Variants in XKR4 observed in about 807,000 individuals in gnomAD.
XKR4 encodes XK related 4, also known as XK-related protein 4.
In XKR4, 12 loss-of-function variants were observed where a neutral mutation model predicts 53.9. That is an observed-to-expected ratio of 0.22 (90% CI 0.14 to 0.36). XKR4 has a LOEUF of 0.36. Ranked by LOEUF, XKR4 falls within the 10% of genes least tolerant of loss-of-function variation. XKR4 has a pLI of 1.00. For synonymous variants in XKR4, 354 were observed against 362.4 expected (o/e 0.98, Z 0.26); for missense variants, 799 against 859.5 (o/e 0.93, Z 0.88).
chr8:55,449,382 C>T (rs1563352905), intron 2 of XKR4: 2 of 612,932 alleles, frequency 3.3e-6, no homozygotes, highest in South Asian at 1.9e-5. Context: ...CACACAAGTG[C>T]TGGGGGCTCG....
rs1383520275 is a variant in XKR4 at position 55,127,288 on chromosome 8, T to C, written c.806+23994T>C. On this transcript the variant is annotated intron_variant, in intron 1 of 2. Transcript: ENST00000327381. ...TTAATTTTGAGACAGAGTCTCACTC[T>C]GTCGGCCAGACTGGAGTGCAGTGGC... Among the ~76,000 whole-genome samples the C allele has an allele frequency of 2.0e-5, 3 of 151,876 alleles. 1 individual carries two copies.
Position 55,523,765 on chromosome 8 carries a change from C to T in XKR4, c.1491C>T (p.Ser497=). The change falls in exon 3 of 3, where the codon AGC becomes AGT. Residue 497 remains serine (S), a synonymous_variant. Coordinates refer to ENST00000327381, the MANE Select transcript of XKR4 (RefSeq NM_052898.2). The stretch of plus-strand genomic sequence containing the variant: ...TTCCAGCGCTGTGTGTGGTGTTCAG[C>T]AGCTTTTTAACTGGCGTTGTTTTTA... ...FAIPALCVVF[S]SFLTGVVFML... The T allele has an allele frequency of 6.2e-7, 1 of 1,614,196 alleles. No homozygotes were observed. Among genetic ancestry groups the T allele is most frequent in the Non-Finnish European group, 8.5e-7 (1 of 1,180,044 alleles).
Position 55,451,500 on chromosome 8 carries a change from A to G in XKR4, c.1007-71781A>G, listed in dbSNP as rs1805442736. 2.8e-6 allele frequency: 3 copies of G among 1,076,318 alleles called. 1 individual carries two copies. Among genetic ancestry groups the G allele is most frequent in the Middle Eastern group, 5.3e-4 (2 of 3,774 alleles). The allele number at this position is 1,076,318 out of a possible 1,614,324, so 66.7% of individuals were successfully genotyped here. A position where few individuals can be genotyped will look rare whatever the true frequency, so the allele number is the denominator to read the frequency against. ...AGTCTGCCTGGAACTGGCCTGGAGA[A>G]GGTGCGTTCTGGGCCTTAAAGAGTC... On this transcript the variant is annotated intron_variant, in intron 2 of 2. Coordinates refer to ENST00000327381, the MANE Select transcript of XKR4 (RefSeq NM_052898.2).
chr8:55,464,458 G>C (rs1352151385), intron 2 of XKR4, among the ~76,000 whole-genome samples: 1 of 152,084 alleles, frequency 6.6e-6, no homozygotes, highest in Non-Finnish European at 1.5e-5. Flanking sequence ...AATAAATTAT[G>C]TATTGATGGG....
At chr8:55,412,395 A>G (rs1396906278) in intron 2 of XKR4, among the ~76,000 whole-genome samples, 2 of 152,202 alleles carry the variant, frequency 1.3e-5, no homozygotes, top group African/African-American at 2.4e-5. Flanking sequence ...AGGGGAAAAT[A>G]TGGCTTTGCT....
intron 1 of XKR4, among the ~76,000 whole-genome samples, chr8:55,195,879 G>A (rs1817498341): frequency 6.6e-6 from 1 of 152,118 alleles, no homozygotes; most frequent in African/African-American, 2.4e-5. Context: ...CACAGCTCAG[G>A]CCACGCCCCA....
chr8:55,511,658 CT>C (rs1278058935), intron 2 of XKR4, among the ~76,000 whole-genome samples: 1 of 152,198 alleles, frequency 6.6e-6, no homozygotes, highest in African/African-American at 2.4e-5. Context: ...TTCGCCCTTC[CT>C]TTTTTCCAAC....
At chr8:55,163,004 T>A (rs1358085006) in intron 1 of XKR4, among the ~76,000 whole-genome samples, 1 of 152,240 alleles carries the variant, frequency 6.6e-6, no homozygotes, top group East Asian at 1.9e-4. Context: ...TTACATTTTT[T>A]ATTAATGTCA....
At chr8:55,457,754 C>G (rs954115861) in intron 2 of XKR4, among the ~76,000 whole-genome samples, 12 of 152,152 alleles carry the variant, frequency 7.9e-5, no homozygotes, top group Non-Finnish European at 1.6e-4. Context: ...TGAAAATAGA[C>G]ATTTTAAACA....
At chr8:55,502,959 T>C (rs545472045) in intron 2 of XKR4, among the ~76,000 whole-genome samples, 15 of 152,306 alleles carry the variant, frequency 9.8e-5, no homozygotes, top group African/African-American at 3.4e-4. Context: ...GAAAAGACTT[T>C]CCTTTCCCCA....
chr8:55,524,477 C>T lies in XKR4; in HGVS notation c.*250C>T, dbSNP rs931792199. The stretch of plus-strand genomic sequence containing the variant: ...AATAGGACTCTCCATTGCTACCAAA[C>T]TCCTCCTGCACGGTCTTGGGTGCAC... On this transcript the variant is annotated 3_prime_UTR_variant, in exon 3 of 3. Coordinates refer to ENST00000327381, the MANE Select transcript of XKR4 (RefSeq NM_052898.2). 55 of 533,676 alleles carry T rather than the reference C, an allele frequency of 1.0e-4. No individual in the cohort carries two copies. The East Asian group carries it at 1.7e-3, about 17-fold the overall frequency. The allele number at this position is 533,676 out of a possible 1,614,324, so 33.1% of individuals were successfully genotyped here. A position where few individuals can be genotyped will look rare whatever the true frequency, so the allele number is the denominator to read the frequency against.
At chr8:55,323,983 TC>T (rs1273712886) in intron 1 of XKR4, among the ~76,000 whole-genome samples, 14 of 151,950 alleles carry the variant, frequency 9.2e-5, no homozygotes, top group Admixed American at 9.2e-4. Context: ...GCTAGGAATG[TC>T]AACCTTTTCA....
intron 1 of XKR4, among the ~76,000 whole-genome samples, chr8:55,112,741 G>A (rs1018659254): frequency 2.0e-5 from 3 of 151,872 alleles, no homozygotes; most frequent in South Asian, 2.1e-4. Context: ...AGTGAGGCAA[G>A]GAAAGGATTT....
Position 55,102,572 on chromosome 8 carries a change from G to A in XKR4, c.84G>A (p.Ser28=). The change falls in exon 1 of 3, where the codon TCG becomes TCA. Residue 28 remains serine, a synonymous_variant. Coordinates refer to ENST00000327381, the MANE Select transcript of XKR4 (RefSeq NM_052898.2). This position sits in a 1 kb window ranked among gnomAD's most constrained non-coding sequence, Gnocchi z 5.1. ...CCCCGCTGCAGAACTCGGACCACTC[G>A]GGCTCGGTGCAGGGATTGGCTCCAG... ...AFTPLQNSDH[S]GSVQGLAPGL... 6.4e-7 allele frequency: 1 copy of A among 1,552,944 alleles called. No individual in the cohort carries two copies. The highest frequency in any genetic ancestry group is 8.7e-7 in the Non-Finnish European group (1 of 1,147,796).
At chr8:55,477,461 CA>C (rs768224315) in intron 2 of XKR4, among the ~76,000 whole-genome samples, 227 of 152,234 alleles carry the variant, frequency 1.5e-3, no homozygotes, top group Non-Finnish European at 1.5e-3. Context: ...GGGGAAAAAA[CA>C]GAGCAGAAAA....
intron 2 of XKR4, among the ~76,000 whole-genome samples, chr8:55,443,839 C>CAAAAA (rs1159375100): frequency 9.3e-5 from 2 of 21,538 alleles, no homozygotes; most frequent in Admixed American, 4.3e-4. Flanking sequence ...AACTCCGTCT[C>CAAAAA]AAAAAAAAAA....
At chr8:55,333,695 G>A (rs1803411775) in intron 1 of XKR4, among the ~76,000 whole-genome samples, 1 of 152,116 alleles carries the variant, frequency 6.6e-6, no homozygotes, top group Admixed American at 6.6e-5. Flanking sequence ...ACTTTTGGAA[G>A]TCTGAGTGCT....
At chr8:55,181,141 G>C (rs16921333) in intron 1 of XKR4, among the ~76,000 whole-genome samples, 14,535 of 152,142 alleles carry the variant, frequency 0.096, 1,912 homozygotes, top group African/African-American at 0.29. Context: ...GTCTTATTTA[G>C]GACACCTACT....
intron 1 of XKR4, among the ~76,000 whole-genome samples, chr8:55,236,361 G>A (rs769074534): frequency 2.6e-5 from 4 of 152,134 alleles, no homozygotes; most frequent in East Asian, 1.9e-4. Flanking sequence ...TGTACCTCCT[G>A]GTCTGCATGA....
Sources: gnomAD v4.1 joint callset for allele counts (sites outside exome capture counted in the v4.1 genomes callset) on GRCh38, gnomAD v4.1.1 for gene constraint, Gnocchi (gnomAD v3.1) non-coding constraint, MANE v1.5 for transcripts, NCBI Gene and HGNC (gene_info 2026-07-23, HGNC 2026-07-21) for gene names.